TMEM131: variants seen among roughly 807,000 people sequenced by gnomAD.
TMEM131 encodes the protein 2610524E03Rik.
In TMEM131, 66 loss-of-function variants were observed where a neutral mutation model predicts 211.6. The ratio of observed to expected loss-of-function variants is 0.31; its 90% CI spans 0.26 to 0.38. The LOEUF is 0.38. TMEM131 is among the 10% of genes least tolerant of loss of function. The pLI is 1.00. For missense variants in TMEM131, 2,036 were observed against 2,299.3 expected (o/e 0.89, Z 2.34); for synonymous variants, 844 against 841.3 (o/e 1.00, Z -0.06).
Position 97,811,032 on chromosome 2 carries a change from C to T in TMEM131, c.1968+96G>A, listed in dbSNP as rs1480589637. ...AAGGTATGAAACTGGTAAACTGTAA[C>T]TCTGAGTAAACTTAATTCTTTGGTT... On this transcript the variant is annotated intron_variant, in intron 18 of 40. Coordinates refer to ENST00000186436, the MANE Select transcript of TMEM131 (RefSeq NM_015348.2). The T allele has an allele frequency of 5.6e-6, 5 of 891,236 alleles. No homozygotes were observed. The Admixed American group carries it at 9.4e-5, about 17-fold the overall frequency. The allele number at this position is 891,236 out of a possible 1,614,324, so 55.2% of individuals were successfully genotyped here. A position where few individuals can be genotyped will look rare whatever the true frequency, so the allele number is the denominator to read the frequency against.
intron 33 of TMEM131, among the ~76,000 whole-genome samples, chr2:97,768,654 G>A (rs568240118): frequency 2.6e-5 from 4 of 152,056 alleles, no homozygotes; most frequent in Admixed American, 2.6e-4. Flanking sequence ...GCAGTGGCAC[G>A]ATCTTGGCTC....
intron 1 of TMEM131, among the ~76,000 whole-genome samples, chr2:97,975,344 C>T (rs968304808): frequency 1.3e-4 from 19 of 151,792 alleles, no homozygotes; most frequent in Admixed American, 9.2e-4. Context: ...CCAAAAGATG[C>T]TTTTTGTGAG....
chr2:97,966,656 T>C (rs1237873754), intron 1 of TMEM131, among the ~76,000 whole-genome samples: 2 of 152,016 alleles, frequency 1.3e-5, no homozygotes, highest in Non-Finnish European at 2.9e-5. Context: ...ACACAAGTAG[T>C]CCAGAGTCAA....
intron 4 of TMEM131, among the ~76,000 whole-genome samples, chr2:97,876,631 G>T (rs1241419529): frequency 5.9e-5 from 9 of 152,132 alleles, no homozygotes; most frequent in Non-Finnish European, 1.3e-4. Context: ...TGCAGAAAAG[G>T]CCTTCAACAA....
At chr2:97,943,041 G>GAAAAGAAAAGAAAAGAAAAGAAAAGA (rs779804229) in intron 1 of TMEM131, among the ~76,000 whole-genome samples, 1 of 36,610 alleles carries the variant, frequency 2.7e-5, no homozygotes, top group Non-Finnish European at 5.8e-5. Context: ...GAAAAGAAAA[G>GAAAAGAAAAGAAAAGAAAAGAAAAGA]AAAGAAAGAA....
chr2:97,915,090 G>C (rs989203885), intron 2 of TMEM131, among the ~76,000 whole-genome samples: 1 of 152,206 alleles, frequency 6.6e-6, no homozygotes, highest in Non-Finnish European at 1.5e-5. Flanking sequence ...TTGCCTGGTG[G>C]CTAACAATGT....
intron 1 of TMEM131, among the ~76,000 whole-genome samples, chr2:97,981,000 A>C (rs930961457): frequency 1.4e-4 from 19 of 131,648 alleles, no homozygotes; most frequent in Middle Eastern, 4.2e-3. Flanking sequence ...AAATCTATAC[A>C]TGTGCTGAAA....
chr2:97,992,610 G>A (rs961446939), intron 1 of TMEM131, among the ~76,000 whole-genome samples: 2 of 151,796 alleles, frequency 1.3e-5, no homozygotes, highest in African/African-American at 4.8e-5. Flanking sequence ...ACTTCACAAT[G>A]AAATTATATT....
chr2:97,821,801 A>T (rs1573412981), intron 11 of TMEM131, among the ~76,000 whole-genome samples: 1 of 152,164 alleles, frequency 6.6e-6, no homozygotes, highest in Non-Finnish European at 1.5e-5. Flanking sequence ...CGGACTAAAG[A>T]CACAGGTGTC....
intron 1 of TMEM131, among the ~76,000 whole-genome samples, chr2:97,983,619 C>A (rs10210880): frequency 0.34 from 52,193 of 151,936 alleles, 9,850 homozygotes; most frequent in Middle Eastern, 0.49. Flanking sequence ...CCAATGGTTA[C>A]CTCCTCCTCC....
At chr2:97,957,149 A>G (rs1227041688) in intron 1 of TMEM131, among the ~76,000 whole-genome samples, 1 of 152,128 alleles carries the variant, frequency 6.6e-6, no homozygotes, top group African/African-American at 2.4e-5. Context: ...ATGAAGTTAA[A>G]TGTTTGAATA....
At chr2:97,982,428 A>G (rs573854243) in intron 1 of TMEM131, among the ~76,000 whole-genome samples, 1 of 152,294 alleles carries the variant, frequency 6.6e-6, no homozygotes, top group Non-Finnish European at 1.5e-5. Context: ...TTTATCAGAT[A>G]CATGATTTGC....
At chr2:97,927,290 G>C in intron 2 of TMEM131, 136 bp downstream of exon 2, 1 of 543,890 alleles carries the variant, frequency 1.8e-6, no homozygotes, top group African/African-American at 2.0e-5. Flanking sequence ...TATTACTAAA[G>C]ACTCTACTGA....
intron 1 of TMEM131, among the ~76,000 whole-genome samples, chr2:97,953,811 C>G (rs1208880911): frequency 1.3e-5 from 2 of 152,172 alleles, no homozygotes; most frequent in African/African-American, 2.4e-5. Flanking sequence ...CATTTTCCAA[C>G]TATAATGCTG....
At chr2:97,875,478 C>A (rs954030659) in intron 4 of TMEM131, among the ~76,000 whole-genome samples, 1 of 152,230 alleles carries the variant, frequency 6.6e-6, no homozygotes, top group Non-Finnish European at 1.5e-5. Flanking sequence ...GGAAAACACT[C>A]CTCAACATAT....
At chr2:97,933,222 A>G (rs1472054519) in intron 1 of TMEM131, among the ~76,000 whole-genome samples, 2 of 152,218 alleles carry the variant, frequency 1.3e-5, no homozygotes, top group African/African-American at 4.8e-5. Context: ...CTCCAAACAG[A>G]AACACCAAGT....
chr2:97,887,429 A>G (rs558003997), intron 4 of TMEM131, among the ~76,000 whole-genome samples: 1 of 152,230 alleles, frequency 6.6e-6, no homozygotes, highest in South Asian at 2.1e-4. Flanking sequence ...GGCCAAGGAA[A>G]TATCTTGGGG....
chr2:97,783,810 TTGGCAGAC>T (rs1680125144), intron 31 of TMEM131, among the ~76,000 whole-genome samples: 2 of 151,812 alleles, frequency 1.3e-5, no homozygotes, highest in Admixed American at 1.3e-4. Context: ...AAGACAGAGA[TTGGCAGAC>T]TGGATTAAAA....
chr2:97,759,227 C>CA (rs2104750311), intron 39 of TMEM131, 174 bp from the exon 40 acceptor site: 1 of 733,208 alleles, frequency 1.4e-6, no homozygotes, highest in South Asian at 1.8e-5. Flanking sequence ...CTCCAGAACT[C>CA]AAACGCATAG....
Sources: allele counts gnomAD v4.1 joint callset (sites outside exome capture counted in the v4.1 genomes callset), GRCh38; gene constraint gnomAD v4.1.1; transcripts MANE v1.5; gene names NCBI Gene and HGNC (gene_info 2026-07-23, HGNC 2026-07-21).